The following FXYD2 variants were observed in gnomAD, a reference collection of about 807,000 sequenced individuals.
The protein encoded by FXYD2 is FXYD domain containing ion transport regulator 2.
Under a neutral mutation model 11.8 loss-of-function variants are expected in FXYD2, and 8 were observed. The ratio of observed to expected loss-of-function variants is 0.68; its 90% CI spans 0.40 to 1.22. The LOEUF (loss-of-function observed/expected upper bound fraction) is 1.22, where lower values mean the gene tolerates loss of function less well. Ranked by LOEUF, FXYD2 falls within the 50% of genes most tolerant of loss-of-function variation. The pLI is 0.01. For synonymous variants in FXYD2, 42 were observed against 33.3 expected, an observed-to-expected ratio of 1.26 and a Z score of -0.90; for missense variants, 92 against 91.8, an observed-to-expected ratio of 1.00 and a Z score of -0.01.
rs866565710 is a variant in FXYD2 at position 117,824,339 on chromosome 11, G to C, written c.25+315C>G. ...TGGACGCCGTCTGCCTCCCGCCCAAGTTCAGACGGTCTAGCAAGATGCATT... is the reference window on the plus strand; with the variant it reads ...TGGACGCCGTCTGCCTCCCGCCCAACTTCAGACGGTCTAGCAAGATGCATT... On this transcript the variant is annotated intron_variant, in intron 1 of 5. Transcript: ENST00000292079. This position sits in a 1 kb window ranked among gnomAD's most constrained non-coding sequence, Gnocchi z 4.0. 8 of 495,154 alleles carry C rather than the reference G, an allele frequency of 1.6e-5. No homozygotes were observed. In the East Asian group the frequency reaches 2.9e-4, roughly 18 times the overall value. The allele number at this position is 495,154 out of a possible 1,614,324, so 30.7% of individuals were successfully genotyped here.
In FXYD2 at chr11:117,824,514, G is replaced by A. The variant is rs978075924; in HGVS notation, c.25+140C>T. On this transcript the variant is annotated intron_variant, in intron 1 of 5. Coordinates refer to ENST00000292079, the MANE Select transcript of FXYD2 (RefSeq NM_001680.5). The surrounding 1 kb of genome is among the most constrained non-coding windows in gnomAD (Gnocchi z 4.0). Reference sequence around the variant, plus strand: ...TGCAAATTTTCTTAGAGAGGAGGCCGACAGGAAGAGGGGCTGGGTACTCTG... The same window carrying A: ...TGCAAATTTTCTTAGAGAGGAGGCCAACAGGAAGAGGGGCTGGGTACTCTG... The A allele has an allele frequency of 3.0e-4, 222 of 741,342 alleles. 3 individuals carry two copies. The South Asian group carries it at 3.1e-3, about 10-fold the overall frequency. 45.9% of individuals were successfully genotyped at this position (741,342 alleles called of 1,614,324 possible). A position where few individuals can be genotyped will look rare whatever the true frequency, so the allele number is the denominator to read the frequency against.
At chr11:117,826,797 TATCTA>T (rs978765138), upstream of FXYD2, among the ~76,000 whole-genome samples, 1 of 143,638 alleles carries the variant, frequency 7.0e-6, no homozygotes, top group African/African-American at 2.5e-5. Context: ...TCTATCTATC[TATCTA>T]TCTATCTATC....
Position 117,822,854 on chromosome 11 carries a change from G to T in FXYD2, c.26-137C>A. The T allele has an allele frequency of 4.1e-6, 5 of 1,234,518 alleles. No homozygotes were observed. Among genetic ancestry groups the T allele is most frequent in the South Asian group, 2.6e-5 (2 of 77,100 alleles). The allele number at this position is 1,234,518 out of a possible 1,614,324, so 76.5% of individuals were successfully genotyped here. A position where few individuals can be genotyped will look rare whatever the true frequency, so the allele number is the denominator to read the frequency against. Reference sequence around the variant, plus strand: ...AGGCGAGGGGAGGCTGGGAGCAGGGGTGTTGCTAAAACCATTGCCAGCAGG... The same window carrying T: ...AGGCGAGGGGAGGCTGGGAGCAGGGTTGTTGCTAAAACCATTGCCAGCAGG... On this transcript the variant is annotated intron_variant, in intron 1 of 5. Transcript: ENST00000292079. The surrounding 1 kb of genome is among the most constrained non-coding windows in gnomAD (Gnocchi z 4.7).
intron 5 of FXYD2, 109 bp from the exon 6 acceptor site, chr11:117,820,481 C>G (rs999561195): frequency 5.9e-6 from 4 of 682,104 alleles, no homozygotes; most frequent in Non-Finnish European, 9.8e-6. Flanking sequence ...TGATCTCCTG[C>G]GGCACACACT....
Position 117,822,850 on chromosome 11 carries a change from A to C in FXYD2, c.26-133T>G. The stretch of plus-strand genomic sequence containing the variant: ...AAGCAGGCGAGGGGAGGCTGGGAGC[A>C]GGGGTGTTGCTAAAACCATTGCCAG... On this transcript the variant is annotated intron_variant, in intron 1 of 5. Coordinates refer to ENST00000292079, the MANE Select transcript of FXYD2 (RefSeq NM_001680.5). This position sits in a 1 kb window ranked among gnomAD's most constrained non-coding sequence, Gnocchi z 4.7. 8.0e-7 allele frequency: 1 copy of C among 1,256,850 alleles called. No individual in the cohort carries two copies. Among genetic ancestry groups the C allele is most frequent in the South Asian group, 1.3e-5 (1 of 77,762 alleles). The allele number at this position is 1,256,850 out of a possible 1,614,324, so 77.9% of individuals were successfully genotyped here. A position where few individuals can be genotyped will look rare whatever the true frequency, so the allele number is the denominator to read the frequency against.
At chr11:117,821,329 G>A (rs2055897624) in intron 3 of FXYD2, 10 of 985,160 alleles carry the variant, frequency 1.0e-5, no homozygotes, top group Middle Eastern at 5.1e-4. Flanking sequence ...CTAATATGCC[G>A]GCATTACAGG....
intron 3 of FXYD2, chr11:117,821,123 C>T (rs1565300278): frequency 1.3e-5 from 6 of 447,680 alleles, no homozygotes; most frequent in Non-Finnish European, 1.8e-5. Context: ...GTGGTGGGAT[C>T]GTAGCTCACT....
chr11:117,822,395 A>T lies in FXYD2; in HGVS notation c.139+11T>A. 6.4e-7 allele frequency: 1 copy of T among 1,554,678 alleles called. No homozygotes were observed. ...GGTCAGCACCCCTTCCCTGGAGGCC[A>T]CCCCACTTACTGAGGAGGATGAGGA... On this transcript the variant is annotated intron_variant, in intron 3 of 5. Transcript: ENST00000292079. This position sits in a 1 kb window ranked among gnomAD's most constrained non-coding sequence, Gnocchi z 4.7.
At position 117,820,204 on chromosome 11, in the gene FXYD2, G is replaced by A. The variant is rs1038962545; in HGVS notation, c.*175C>T. ...AAGCATGAGGTGGCACGAGGCAGGA[G>A]TTGGCGATGCCACCTGGGGGTCACA... is the stretch of plus-strand genomic sequence containing the variant. On this transcript the variant is annotated 3_prime_UTR_variant, in exon 6 of 6. Transcript: ENST00000292079. 1.2e-5 allele frequency: 2 copies of A among 169,174 alleles called. No individual in the cohort carries two copies. Among genetic ancestry groups the A allele is most frequent in the Admixed American group, 6.1e-5 (1 of 16,420 alleles). 10.5% of individuals were successfully genotyped at this position (169,174 alleles called of 1,614,324 possible). A position where few individuals can be genotyped will look rare whatever the true frequency, so the allele number is the denominator to read the frequency against.
rs755640340 is a variant in FXYD2 at position 117,824,728 on chromosome 11, C to T, written c.-50G>A. On this transcript the variant is annotated 5_prime_UTR_variant, in exon 1 of 6. Coordinates refer to ENST00000292079, the MANE Select transcript of FXYD2 (RefSeq NM_001680.5). The surrounding 1 kb of genome is among the most constrained non-coding windows in gnomAD (Gnocchi z 4.0). ...CACTCCCCTCTTCCTGCTGTCTCTGCTTTTTGGAGAGTGTCTGGCTGCCTC... is the reference window on the plus strand; with the variant it reads ...CACTCCCCTCTTCCTGCTGTCTCTGTTTTTTGGAGAGTGTCTGGCTGCCTC... The T allele has an allele frequency of 6.2e-7, 1 of 1,610,766 alleles. No homozygotes were observed.
intron 3 of FXYD2, chr11:117,821,229 A>G: frequency 1.8e-6 from 1 of 567,366 alleles, no homozygotes. Flanking sequence ...GCTAATTAAA[A>G]AAATTTTTTT....
At position 117,820,230 on chromosome 11, in the gene FXYD2, T is replaced by C. The variant is rs41313497; in HGVS notation, c.*149A>G. 20 of 179,442 alleles carry C rather than the reference T, an allele frequency of 1.1e-4. 1 individual carries two copies. The highest frequency in any genetic ancestry group is 1.9e-4 in the Non-Finnish European group (16 of 85,850). 11.1% of individuals were successfully genotyped at this position (179,442 alleles called of 1,614,324 possible). ...TTGGCGATGCCACCTGGGGGTCACA[T>C]TGAGTCTGGAGCTTCCTTCAGCCCA... On this transcript the variant is annotated 3_prime_UTR_variant, in exon 6 of 6. Transcript: ENST00000292079.
upstream of FXYD2, among the ~76,000 whole-genome samples, chr11:117,827,091 GAT>G (rs752197496): frequency 0.094 from 2,809 of 29,860 alleles, 38 homozygotes; most frequent in Non-Finnish European, 0.13. Context: ...TAGAGAGATA[GAT>G]AGATAGATAG....
chr11:117,822,228 A>G lies in FXYD2; in HGVS notation c.139+178T>C, dbSNP rs1591533906. On this transcript the variant is annotated intron_variant, in intron 3 of 5. Coordinates refer to ENST00000292079, the MANE Select transcript of FXYD2 (RefSeq NM_001680.5). This position sits in a 1 kb window ranked among gnomAD's most constrained non-coding sequence, Gnocchi z 4.7. The stretch of plus-strand genomic sequence containing the variant: ...GCACTTGAGCAAGCAGGAACCTCAC[A>G]CTGTGCTCCCAGCGAGCCTGGCACC... 1 of 1,497,856 alleles carries G rather than the reference A, an allele frequency of 6.7e-7. No homozygotes were observed. The highest frequency in any genetic ancestry group is 8.9e-7 in the Non-Finnish European group (1 of 1,124,076). 92.8% of individuals were successfully genotyped at this position (1,497,856 alleles called of 1,614,324 possible).
In FXYD2 at chr11:117,820,841, A is replaced by G. The variant is rs763081279; in HGVS notation, c.176+18T>C. On this transcript the variant is annotated intron_variant, in intron 4 of 5. Transcript: ENST00000292079. ...TCCAGCCCCAACCCCCTCATCGGTC[A>G]CCCCAGGCAGCGCTCACCTGCGCTT... The G allele has an allele frequency of 3.1e-6, 5 of 1,609,228 alleles. No homozygotes were observed. The highest frequency in any genetic ancestry group is 4.2e-6 in the Non-Finnish European group (5 of 1,178,928).
chr11:117,821,416 G>A (rs2055900898), intron 3 of FXYD2: 1 of 986,750 alleles, frequency 1.0e-6, no homozygotes, highest in Non-Finnish European at 1.2e-6. Context: ...AAGTCAGTCA[G>A]TCAGTCAGCA....
rs1343712337 is a variant in FXYD2 at position 117,822,317 on chromosome 11, T to C, written c.139+89A>G. The C allele has an allele frequency of 1.3e-6, 2 of 1,548,130 alleles. No homozygotes were observed. The highest frequency in any genetic ancestry group is 2.0e-5 in the Admixed American group (1 of 50,968). On this transcript the variant is annotated intron_variant, in intron 3 of 5. Coordinates refer to ENST00000292079, the MANE Select transcript of FXYD2 (RefSeq NM_001680.5). This position sits in a 1 kb window ranked among gnomAD's most constrained non-coding sequence, Gnocchi z 4.7. ...GTGGTGGGGAGGCTCACCCCTCCCT[T>C]GGCAACTCCCGAAAGCCAGCCTGCT... is the stretch of plus-strand genomic sequence containing the variant.
chr11:117,820,641 C>T, intron 5 of FXYD2, 25 bp downstream of exon 5: 1 of 1,613,620 alleles, frequency 6.2e-7, no homozygotes, highest in Middle Eastern at 1.7e-4. Flanking sequence ...CCTCCCCGCA[C>T]CTTCCCCAGG....
chr11:117,823,717 C>T (rs1007550089), intron 1 of FXYD2, among the ~76,000 whole-genome samples: 2 of 152,236 alleles, frequency 1.3e-5, no homozygotes, highest in Admixed American at 6.5e-5. Context: ...AGCCCCTTCT[C>T]GCACGAGGGA....
Sources: gnomAD v4.1 joint callset for allele counts (sites outside exome capture counted in the v4.1 genomes callset) on GRCh38, gnomAD v4.1.1 for gene constraint, Gnocchi (gnomAD v3.1) non-coding constraint, MANE v1.5 for transcripts, NCBI Gene and HGNC (gene_info 2026-07-23, HGNC 2026-07-21) for gene names.